Variants in ITGB1 observed in about 807,000 individuals in gnomAD.
The protein encoded by ITGB1 is integrin subunit beta 1.
A neutral mutation model predicts 86.5 loss-of-function variants in ITGB1; 24 were observed. The ratio of observed to expected loss-of-function variants is 0.28; its 90% CI spans 0.20 to 0.39. ITGB1 has a LOEUF of 0.39. Ranked by LOEUF, ITGB1 falls within the 10% of genes least tolerant of loss-of-function variation. The probability of loss-of-function intolerance (pLI) is 1.00; values close to 1 mark genes in which losing one functional copy is unlikely to be tolerated. For synonymous variants in ITGB1, 323 were observed against 316.8 expected, an observed-to-expected ratio of 1.02 and a Z score of -0.21; for missense variants, 556 against 946.9, an observed-to-expected ratio of 0.59 and a Z score of 5.42.
chr10:32,905,602 T>C (rs1041769870), intron 15 of ITGB1, among the ~76,000 whole-genome samples: 1 of 152,212 alleles, frequency 6.6e-6, no homozygotes, highest in East Asian at 1.9e-4. Flanking sequence ...GGAGCCCAAC[T>C]GCCTGGGTTC....
At chr10:32,955,337 G>A (rs2095050275) in intron 1 of ITGB1, among the ~76,000 whole-genome samples, 1 of 152,156 alleles carries the variant, frequency 6.6e-6, no homozygotes, top group African/African-American at 2.4e-5. Context: ...CTCTCTGGCA[G>A]AGTGAGAAAA....
intron 1 of ITGB1, among the ~76,000 whole-genome samples, chr10:32,942,367 A>C (rs1458826491): frequency 6.6e-6 from 1 of 152,210 alleles, no homozygotes; most frequent in African/African-American, 2.4e-5. Flanking sequence ...ATGGGATTAC[A>C]GTGAGAGCCT....
At chr10:32,951,205 G>A (rs912554905) in intron 1 of ITGB1, among the ~76,000 whole-genome samples, 3 of 152,098 alleles carry the variant, frequency 2.0e-5, no homozygotes, top group African/African-American at 7.2e-5. Context: ...GATCTTGACA[G>A]TGATCAAAGA....
At chr10:32,943,739 C>G (rs1222902436) in intron 1 of ITGB1, among the ~76,000 whole-genome samples, 1 of 151,858 alleles carries the variant, frequency 6.6e-6, no homozygotes, top group Non-Finnish European at 1.5e-5. Context: ...AGCCTGGGAA[C>G]AGAACTGGTG....
intron 15 of ITGB1, among the ~76,000 whole-genome samples, chr10:32,907,501 G>A (rs1007184502): frequency 6.6e-6 from 1 of 152,064 alleles, no homozygotes; most frequent in Non-Finnish European, 1.5e-5. Context: ...AGTTTACTGA[G>A]ATATAATTTT....
chr10:32,920,029 C>G lies in ITGB1; in HGVS notation c.1325G>C (p.Ser442Thr), dbSNP rs1164692410. 1 of 1,614,032 alleles carries G rather than the reference C, an allele frequency of 6.2e-7. No individual in the cohort carries two copies. Among genetic ancestry groups the G allele is most frequent in the Non-Finnish European group, 8.5e-7 (1 of 1,179,928 alleles). The change falls in exon 11 of 16, where the codon AGC (serine) becomes ACC (threonine). Residue 442 changes from serine (S) to threonine (T), a missense_variant. By Grantham distance (58) the Ser-to-Thr change is moderately conservative. Around this residue, in one of 4 missense-constraint regions of ITGB1, gnomAD observed 330 missense variants for 531.5 expected, o/e 0.62. Transcript: ENST00000302278. ...SNKCPKKDSD[S>T]FKIRPLGFTE... ...AAAGCCCAGAGGCCTAATTTTAAAG[C>G]TGTCAGAATCCTTTTTTGGACACTT...
rs1450769265 is a variant in ITGB1 at position 32,900,408 on chromosome 10, T to C, written c.*1162A>G. On this transcript the variant is annotated 3_prime_UTR_variant, in exon 16 of 16. Transcript: ENST00000302278. ...GTCAAGACATCCGATTTAAGTATTT[T>C]AGGCATATTTAATAAATAACTTCAG... 6.6e-6 allele frequency: 1 copy of C among 152,540 alleles called. No homozygotes were observed. Among genetic ancestry groups the C allele is most frequent in the Non-Finnish European group, 1.5e-5 (1 of 67,982 alleles). The allele number at this position is 152,540 out of a possible 1,614,324, so 9.4% of individuals were successfully genotyped here.
intron 2 of ITGB1, chr10:32,933,580 A>T (rs2094991075): frequency 6.6e-6 from 1 of 152,218 alleles, no homozygotes; most frequent in South Asian, 2.1e-4. Context: ...TTCTTATAGA[A>T]AATCTGGAAA....
At chr10:32,920,972 G>A (rs906098116) in intron 9 of ITGB1, among the ~76,000 whole-genome samples, 2 of 149,448 alleles carry the variant, frequency 1.3e-5, no homozygotes, top group African/African-American at 4.9e-5. Context: ...AACAGAGTGC[G>A]ACTCCATCTA....
chr10:32,923,449 A>C (rs1309379811), intron 7 of ITGB1, 136 bp downstream of exon 7: 1 of 601,032 alleles, frequency 1.7e-6, no homozygotes, highest in African/African-American at 1.9e-5. Context: ...CTGCACTTTC[A>C]ATCAGGACCC....
intron 14 of ITGB1, among the ~76,000 whole-genome samples, chr10:32,909,746 C>T (rs866997277): frequency 4.6e-5 from 7 of 151,632 alleles, no homozygotes; most frequent in Middle Eastern, 3.4e-3. Context: ...GTAGAAAATT[C>T]CAAAGAATCT....
chr10:32,923,743 TGAAAA>T lies in ITGB1; in HGVS notation c.787-8_787-4del. On this transcript the variant is annotated splice_region_variant and splice_polypyrimidine_tract_variant and intron_variant, in intron 6 of 15. Coordinates refer to ENST00000302278, the MANE Select transcript of ITGB1 (RefSeq NM_002211.4). ...ACATTCCTCCAGCCAATCAGTGACTTGAAAAGAAAAGGATTTCAATTTTAAAACAC... is the reference window on the plus strand; with the variant it reads ...ACATTCCTCCAGCCAATCAGTGACTTGAAAAGGATTTCAATTTTAAAACAC... 1 of 1,606,516 alleles carries T rather than the reference TGAAAA, an allele frequency of 6.2e-7. No individual in the cohort carries two copies. The highest frequency in any genetic ancestry group is 8.5e-7 in the Non-Finnish European group (1 of 1,177,416).
intron 1 of ITGB1, among the ~76,000 whole-genome samples, chr10:32,941,976 A>G (rs530195286): frequency 6.6e-6 from 1 of 152,226 alleles, no homozygotes; most frequent in Non-Finnish European, 1.5e-5. Context: ...ATCTCAGGAG[A>G]TAAGTCAAGA....
intron 1 of ITGB1, among the ~76,000 whole-genome samples, chr10:32,947,628 T>C (rs2095034434): frequency 6.6e-6 from 1 of 152,218 alleles, no homozygotes; most frequent in Non-Finnish European, 1.5e-5. Context: ...GTTTTCTGTA[T>C]CTAGCGCAAT....
intron 1 of ITGB1, among the ~76,000 whole-genome samples, chr10:32,937,167 C>G (rs1700855016): frequency 6.6e-6 from 1 of 152,070 alleles, no homozygotes; most frequent in Non-Finnish European, 1.5e-5. Flanking sequence ...TTCACAAGAG[C>G]AAAAATGTAA....
At chr10:32,910,094 G>C in intron 14 of ITGB1, 129 bp downstream of exon 14, 1 of 644,132 alleles carries the variant, frequency 1.6e-6, no homozygotes, top group Non-Finnish European at 2.8e-6. Flanking sequence ...TAAGCTTTGA[G>C]AGATGAAAAA....
rs1242349659 is a variant in ITGB1, at chr10:32,911,517, G to A, written c.1862C>T (p.Thr621Ile). The part of the protein sequence containing the change: ...GICECGVCKC[T>I]DPKFQGQTCE... ...CGTTTGCCCTTGAAACTTCGGATCT[G>A]TACACTTACAGACACCACACTCGCA... Residue 621 changes from threonine to isoleucine, a missense_variant, in exon 13 of 16, where the codon ACA (threonine) becomes ATA (isoleucine). Transcript: ENST00000302278. 3 of 1,614,122 alleles carry A rather than the reference G, an allele frequency of 1.9e-6. No homozygotes were observed. The highest frequency in any genetic ancestry group is 1.7e-5 in the Admixed American group (1 of 60,012).
intron 3 of ITGB1, among the ~76,000 whole-genome samples, 185 bp downstream of exon 3, chr10:32,932,330 G>T (rs575549686): frequency 9.9e-5 from 15 of 152,146 alleles, no homozygotes; most frequent in African/African-American, 3.6e-4. Context: ...ATTCTAATTT[G>T]TACAAAAGTG....
In ITGB1 at chr10:32,901,520, T is replaced by C. The variant is rs1449058257; in HGVS notation, c.*50A>G. On this transcript the variant is annotated 3_prime_UTR_variant, in exon 16 of 16. Coordinates refer to ENST00000302278, the MANE Select transcript of ITGB1 (RefSeq NM_002211.4). ...CCCTAAAGCTACCTAACTGTGACTA[T>C]GGAAATTGCTACTTTGCATTCAGTG... The C allele has an allele frequency of 8.5e-7, 1 of 1,177,142 alleles. No homozygotes were observed. Among genetic ancestry groups the C allele is most frequent in the Non-Finnish European group, 1.2e-6 (1 of 806,226 alleles). The allele number at this position is 1,177,142 out of a possible 1,614,324, so 72.9% of individuals were successfully genotyped here. A position where few individuals can be genotyped will look rare whatever the true frequency, so the allele number is the denominator to read the frequency against.
Sources: gnomAD v4.1 joint callset for allele counts (sites outside exome capture counted in the v4.1 genomes callset) on GRCh38, gnomAD v4.1.1 for gene constraint, gnomAD v4.1.1 regional missense constraint, MANE v1.5 for transcripts, NCBI Gene and HGNC (gene_info 2026-07-23, HGNC 2026-07-21) for gene names.